The following AP2A1 variants were observed in gnomAD, a reference collection of about 807,000 sequenced individuals.
The protein encoded by AP2A1 is adaptor related protein complex 2 subunit alpha 1.
Under a neutral mutation model 107.3 loss-of-function variants are expected in AP2A1, and 21 were observed. That is an observed-to-expected ratio of 0.20 (90% CI 0.14 to 0.28). The LOEUF is 0.28. AP2A1 is among the 10% of genes least tolerant of loss of function. The pLI is 1.00. For missense variants in AP2A1, 873 were observed against 1,307.7 expected (o/e 0.67, Z 5.13); for synonymous variants, 602 against 564.8 (o/e 1.07, Z -0.93).
Position 49,805,704 on chromosome 19 carries a change from A to T in AP2A1, c.2512A>T (p.Thr838Ser), listed in dbSNP as rs746968213. The stretch of plus-strand genomic sequence containing the variant: ...GGCCCTCACCCTGAAGCTCCCAGTG[A>T]CCATCAACAAGTTCTTCCAGCCCAC... ...PQALTLKLPV[T>S]INKFFQPTEM... The change falls in exon 20 of 23, where the codon ACC becomes TCC. Residue 838 changes from threonine (T) to serine (S), a missense_variant. Thr to Ser is a moderately conservative substitution (Grantham distance 58). Transcript: ENST00000354293. 4.1e-5 allele frequency: 65 copies of T among 1,569,960 alleles called. No homozygotes were observed. Among genetic ancestry groups the T allele is most frequent in the Non-Finnish European group, 5.1e-5 (59 of 1,158,982 alleles).
intron 1 of AP2A1, among the ~76,000 whole-genome samples, chr19:49,770,541 T>C (rs1247954639): frequency 6.6e-6 from 1 of 152,196 alleles, no homozygotes; most frequent in Non-Finnish European, 1.5e-5. Flanking sequence ...GGATGTTCAC[T>C]GCAACATTAT....
intron 6 of AP2A1, among the ~76,000 whole-genome samples, chr19:49,794,948 C>T (rs1235764231): frequency 6.6e-6 from 1 of 152,218 alleles, no homozygotes; most frequent in East Asian, 1.9e-4. Context: ...CAGGCGTGAG[C>T]CACTGCACCT....
At chr19:49,799,190 C>A in intron 8 of AP2A1, 137 bp from the exon 9 acceptor site, 1 of 1,180,824 alleles carries the variant, frequency 8.5e-7, no homozygotes, top group Non-Finnish European at 1.2e-6. Flanking sequence ...ACTGGAGGTG[C>A]AGTACTGCGA....
chr19:49,803,820 A>G (rs976451216), intron 18 of AP2A1: 1 of 190,978 alleles, frequency 5.2e-6, no homozygotes. Flanking sequence ...TCTTCCTCAT[A>G]GGGTTATTGT....
At chr19:49,777,585 A>G (rs930132111) in intron 1 of AP2A1, among the ~76,000 whole-genome samples, 1 of 150,500 alleles carries the variant, frequency 6.6e-6, no homozygotes, top group Non-Finnish European at 1.5e-5. Flanking sequence ...AAGTGAGCAG[A>G]GATGGTGCCA....
intron 1 of AP2A1, 83 bp downstream of exon 1, chr19:49,767,283 C>T (rs1009926855): frequency 2.0e-5 from 31 of 1,534,434 alleles, no homozygotes; most frequent in Non-Finnish European, 2.5e-5. Flanking sequence ...CAGAGGGACC[C>T]GGGGGATCAA....
chr19:49,800,589 C>T (rs2073266642), intron 11 of AP2A1: 3 of 257,408 alleles, frequency 1.2e-5, no homozygotes, highest in Non-Finnish European at 2.3e-5. Flanking sequence ...CTGCCTCAGC[C>T]TCCCCAGTAG....
At chr19:49,796,798 TGTGC>T (rs1568584679) in intron 7 of AP2A1, 1 of 152,218 alleles carries the variant, frequency 6.6e-6, no homozygotes, top group African/African-American at 2.4e-5. Flanking sequence ...CATGTGTACC[TGTGC>T]ATGCAAGTGG....
intron 1 of AP2A1, among the ~76,000 whole-genome samples, chr19:49,777,095 TGTG>T (rs2084624745): frequency 7.3e-6 from 1 of 137,488 alleles, no homozygotes; most frequent in Non-Finnish European, 1.6e-5. Flanking sequence ...AAAAGCCAGG[TGTG>T]GTGGTGGGTG....
chr19:49,782,419 G>A, intron 3 of AP2A1, 112 bp from the exon 4 acceptor site: 1 of 1,170,464 alleles, frequency 8.5e-7, no homozygotes, highest in Non-Finnish European at 1.2e-6. Context: ...CTGGGGGCCT[G>A]GACTCCTGGG....
intron 1 of AP2A1, among the ~76,000 whole-genome samples, chr19:49,775,581 C>T (rs1443185151): frequency 6.6e-6 from 1 of 152,158 alleles, no homozygotes; most frequent in Non-Finnish European, 1.5e-5. Context: ...TCCCAAAGTG[C>T]TGGGATTACA....
intron 1 of AP2A1, among the ~76,000 whole-genome samples, chr19:49,780,731 C>T (rs1287761198): frequency 6.6e-6 from 1 of 152,094 alleles, no homozygotes; most frequent in African/African-American, 2.4e-5. Context: ...GAGGAGGTGG[C>T]TGGGCACAGT....
chr19:49,793,194 A>C, intron 6 of AP2A1, 102 bp downstream of exon 6: 1 of 1,108,538 alleles, frequency 9.0e-7, no homozygotes, highest in South Asian at 1.4e-5. Flanking sequence ...AGCCCAGCCC[A>C]AGGTTTACAA....
chr19:49,803,603 A>G (rs1420538206), intron 18 of AP2A1: 6 of 565,044 alleles, frequency 1.1e-5, no homozygotes, highest in Non-Finnish European at 1.9e-5. Flanking sequence ...CCAGAACTCC[A>G]CCTGCTCCAG....
chr19:49,800,652 G>A, intron 11 of AP2A1: 1 of 302,064 alleles, frequency 3.3e-6, no homozygotes, highest in Non-Finnish European at 6.2e-6. Context: ...TGTATTTTTA[G>A]TAGAGACGGG....
Position 49,805,494 on chromosome 19 carries a change from G to T in AP2A1, c.2386G>T (p.Gly796Cys). The stretch of plus-strand genomic sequence containing the variant: ...CAAGCGCGTGGCGGCGCAGGTGGAC[G>T]GCGGCGCGCAGGTGCAGCAGGTGCT... ...QTKRVAAQVD[G>C]GAQVQQVLNI... The change falls in exon 19 of 23, where the codon GGC becomes TGC. Residue 796 changes from glycine to cysteine, a missense_variant. Physicochemically the swap from Gly to Cys is radical, Grantham distance 159. Coordinates refer to ENST00000354293, the MANE Select transcript of AP2A1 (RefSeq NM_130787.3). 6.4e-7 allele frequency: 1 copy of T among 1,555,230 alleles called. No homozygotes were observed. Among genetic ancestry groups the T allele is most frequent in the Non-Finnish European group, 8.7e-7 (1 of 1,150,082 alleles).
Position 49,798,860 on chromosome 19 carries a change from C to T in AP2A1, c.873C>T (p.Ala291=), listed in dbSNP as rs377728559. The change falls in exon 8 of 23, where the codon GCC becomes GCT. Residue 291 remains alanine (A), a synonymous_variant. Transcript: ENST00000354293. The part of the protein sequence containing the change: ...VECLETVLNK[A]QEPPKSKKVQ... ...GTCTGGAGACTGTGCTCAACAAGGC[C>T]CAGGAGCCCCCCAAATCCAAGAAGG... 282 of 1,597,514 alleles carry T rather than the reference C, an allele frequency of 1.8e-4. No individual in the cohort carries two copies. The Middle Eastern group carries it at 1.8e-3, about 10-fold the overall frequency.
chr19:49,802,536 A>G (rs1157644267), intron 15 of AP2A1: 1 of 1,604,790 alleles, frequency 6.2e-7, no homozygotes, highest in African/African-American at 1.3e-5. Flanking sequence ...TGGCTCAGCG[A>G]GCTGGAGCCG....
chr19:49,784,224 C>T (rs1044788665), intron 4 of AP2A1, among the ~76,000 whole-genome samples: 9 of 152,202 alleles, frequency 5.9e-5, no homozygotes, highest in South Asian at 2.1e-4. Context: ...GTCAGGAGTT[C>T]GAGACCAGCC....
Sources: allele counts gnomAD v4.1 joint callset (sites outside exome capture counted in the v4.1 genomes callset), GRCh38; gene constraint gnomAD v4.1.1; transcripts MANE v1.5; gene names NCBI Gene and HGNC (gene_info 2026-07-23, HGNC 2026-07-21).